The following GAK variants were observed in gnomAD, a reference collection of about 807,000 sequenced individuals.
GAK encodes cyclin G associated kinase.
In GAK, 79 loss-of-function variants were observed where a neutral mutation model predicts 143.9. The observed-to-expected ratio is 0.55, with a 90% confidence interval of 0.46 to 0.66. The LOEUF (loss-of-function observed/expected upper bound fraction) is 0.66, where lower values mean the gene tolerates loss of function less well. Among genes scored for constraint, GAK ranks in the 30% least tolerant of loss-of-function variants. The probability of loss-of-function intolerance (pLI) is 0.00; values close to 1 mark genes in which losing one functional copy is unlikely to be tolerated. For missense variants in GAK, 1,693 were observed against 1,779.7 expected (o/e 0.95, Z 0.88); for synonymous variants, 881 against 765.5 (o/e 1.15, Z -2.49).
chr4:932,153 G>A lies in GAK; in HGVS notation c.35C>T (p.Ala12Val), dbSNP rs750644550. The change falls in exon 1 of 28, where the codon GCG becomes GTG. Residue 12 changes from alanine to valine, a missense_variant. Ala to Val is a moderately conservative substitution (Grantham distance 64). This residue lies in a region of GAK where 871 missense variants were observed against 991.0 expected (regional missense o/e 0.88). Transcript: ENST00000314167. This position sits in a 1 kb window ranked among gnomAD's most constrained non-coding sequence, Gnocchi z 4.0. ...AGCACCGCCCAGGGAGCCTGGACCC[G>A]CCAAGAAGTCGAGCGCCGACTGCAG... ...SLLQSALDFL[A>V]GPGSLGGASG... is the part of the protein sequence containing the mutation. 1.3e-6 allele frequency: 2 copies of A among 1,582,542 alleles called. No homozygotes were observed. Among genetic ancestry groups the A allele is most frequent in the South Asian group, 2.3e-5 (2 of 87,426 alleles).
At position 893,509 on chromosome 4, in the gene GAK, C is replaced by T. The variant is rs771631655; in HGVS notation, c.878-20G>A. ...TGGCGCCTGCAGCAGAAGCACAGCG[C>T]GCTCGGCCCCACGGTTCCCCAGGCG... is the stretch of plus-strand genomic sequence containing the variant. On this transcript the variant is annotated intron_variant, in intron 8 of 27. Coordinates refer to ENST00000314167, the MANE Select transcript of GAK (RefSeq NM_005255.4). The T allele has an allele frequency of 3.5e-5, 53 of 1,520,062 alleles. No homozygotes were observed. Among genetic ancestry groups the T allele is most frequent in the Middle Eastern group, 3.4e-4 (2 of 5,830 alleles). The allele number at this position is 1,520,062 out of a possible 1,614,324, so 94.2% of individuals were successfully genotyped here.
intron 25 of GAK, 75 bp from the exon 26 acceptor site, chr4:851,159 G>C: frequency 2.3e-6 from 3 of 1,319,166 alleles, no homozygotes; most frequent in Non-Finnish European, 3.2e-6. Context: ...GTGCAATGGC[G>C]TGATCTCAGC....
chr4:866,561 G>A (rs2306247), intron 21 of GAK, 27 bp from the exon 22 acceptor site: 66,988 of 1,606,264 alleles, frequency 0.042, 1,707 homozygotes, highest in East Asian at 0.12. Context: ...GCATGGGGAG[G>A]ACTCAGCCCG....
chr4:882,149 T>C lies in GAK; in HGVS notation c.1528-109A>G, dbSNP rs370149151. On this transcript the variant is annotated intron_variant, in intron 14 of 27. Transcript: ENST00000314167. ...CTGTGGCTGCAGGGACGCAGGGCTG[T>C]TCCTCTCTGAAGCTGGGATATGTTT... 54 of 1,211,524 alleles carry C rather than the reference T, an allele frequency of 4.5e-5. No individual in the cohort carries two copies. In the South Asian group the frequency reaches 6.6e-4, roughly 15 times the overall value. 75.0% of individuals were successfully genotyped at this position (1,211,524 alleles called of 1,614,324 possible).
At position 893,904 on chromosome 4, in the gene GAK, T is replaced by C; in HGVS notation, c.847A>G (p.Thr283Ala). The change falls in exon 8 of 28, where the codon ACG becomes GCG. Residue 283 changes from threonine to alanine, a missense_variant. Coordinates refer to ENST00000314167, the MANE Select transcript of GAK (RefSeq NM_005255.4). ...AGGCTGTGGAAGACCGTGTACTGCG[T>C]GTCGTGCGGGGGGATCGAGTACTTC... ...NGKYSIPPHD[T>A]QYTVFHSLIR... 6.2e-7 allele frequency: 1 copy of C among 1,610,018 alleles called. No individual in the cohort carries two copies. The highest frequency in any genetic ancestry group is 1.7e-5 in the Admixed American group (1 of 59,752).
At chr4:923,019 A>G (rs1298201200) in intron 1 of GAK, among the ~76,000 whole-genome samples, 1 of 152,052 alleles carries the variant, frequency 6.6e-6, no homozygotes, top group Non-Finnish European at 1.5e-5. Flanking sequence ...TTCCCCTTAC[A>G]CTGCATCCTT....
chr4:922,637 A>G lies in GAK; in HGVS notation c.146-8969T>C, dbSNP rs963745982. 1.4e-4 allele frequency among the ~76,000 whole-genome samples: 21 copies of G among 152,034 alleles called. 4 individuals are homozygous for G. The highest frequency in any genetic ancestry group is 1.9e-4 in the East Asian group (1 of 5,180). ...TCCAGAACTGCGAGAGTGAATTTCT[A>G]CTGCTCCCCACTCAGTCTGGAGTAT... On this transcript the variant is annotated intron_variant, in intron 1 of 27. Coordinates refer to ENST00000314167, the MANE Select transcript of GAK (RefSeq NM_005255.4).
At chr4:881,091 G>A (rs1020788708) in intron 15 of GAK, among the ~76,000 whole-genome samples, 4 of 152,208 alleles carry the variant, frequency 2.6e-5, no homozygotes, top group Non-Finnish European at 5.9e-5. Context: ...ATCCACAGCA[G>A]CAGGAATGGC....
chr4:868,153 T>C (rs1711502343), intron 20 of GAK, among the ~76,000 whole-genome samples: 2 of 151,906 alleles, frequency 1.3e-5, no homozygotes, highest in African/African-American at 4.8e-5. Context: ...GGGAGCCCAC[T>C]GGGGGTGTGG....
chr4:921,904 G>C (rs1660285529), intron 1 of GAK, among the ~76,000 whole-genome samples: 1 of 152,186 alleles, frequency 6.6e-6, no homozygotes, highest in South Asian at 2.1e-4. Flanking sequence ...AAGATATGCA[G>C]ATGGCAAAGA....
chr4:852,189 C>G, intron 24 of GAK: 1 of 610,422 alleles, frequency 1.6e-6, no homozygotes, highest in South Asian at 1.9e-5. Context: ...CGGGAACACT[C>G]TGGATGGAGG....
chr4:909,843 T>C (rs960875887), intron 4 of GAK, among the ~76,000 whole-genome samples: 2 of 152,050 alleles, frequency 1.3e-5, no homozygotes, highest in African/African-American at 4.8e-5. Flanking sequence ...AACACAACAC[T>C]GAGAAACACA....
intron 9 of GAK, among the ~76,000 whole-genome samples, chr4:892,867 G>A (rs529877487): frequency 3.3e-5 from 5 of 152,314 alleles, no homozygotes; most frequent in East Asian, 1.9e-4. Flanking sequence ...AGAGGAGCGC[G>A]TGCAGAGTGC....
intron 18 of GAK, among the ~76,000 whole-genome samples, chr4:874,371 G>A (rs1053373877): frequency 6.6e-6 from 1 of 152,192 alleles, no homozygotes; most frequent in Non-Finnish European, 1.5e-5. Flanking sequence ...TTGCAGGCTT[G>A]CCTTGGATAC....
rs374879777 is a variant in GAK, at chr4:849,640, G to A, written c.*33C>T. On this transcript the variant is annotated 3_prime_UTR_variant, in exon 28 of 28. Transcript: ENST00000314167. ...GGTCCCACGACGGCTCCCAACCTGT[G>A]GAGCTGTGTGCGCAGCCACCACCAC... 713 of 1,548,290 alleles carry A rather than the reference G, an allele frequency of 4.6e-4. No individual in the cohort carries two copies. Among genetic ancestry groups the A allele is most frequent in the Middle Eastern group, 1.3e-3 (8 of 5,940 alleles).
At chr4:861,188 T>C (rs1429663729) in intron 23 of GAK, among the ~76,000 whole-genome samples, 1 of 152,154 alleles carries the variant, frequency 6.6e-6, no homozygotes, top group African/African-American at 2.4e-5. Context: ...ATCAGTCCAA[T>C]TCAGAACCTA....
intron 1 of GAK, 91 bp downstream of exon 1, chr4:931,952 C>A (rs567147894): frequency 1.0e-6 from 1 of 962,636 alleles, no homozygotes; most frequent in Non-Finnish European, 1.6e-6. Context: ...CAGCCCTAAC[C>A]CACGCCCTTC....
At position 859,682 on chromosome 4, in the gene GAK, G is replaced by C. The variant is rs753280912; in HGVS notation, c.3207C>G (p.Gly1069=). The C allele has an allele frequency of 6.2e-7, 1 of 1,600,626 alleles. No individual in the cohort carries two copies. Among genetic ancestry groups the C allele is most frequent in the Non-Finnish European group, 8.6e-7 (1 of 1,168,878 alleles). The part of the protein sequence containing the change: ...FSPGGQPAPC[G]SQASWTKSQN... ...GAGACTTGGTCCAGCTGGCCTGAGAGCCACAAGGGGCCGGCTGACCTCCAG... is the reference window on the plus strand; with the variant it reads ...GAGACTTGGTCCAGCTGGCCTGAGACCCACAAGGGGCCGGCTGACCTCCAG... Residue 1069 remains glycine (G), a synonymous_variant, in exon 24 of 28, where the codon GGC becomes GGG. Coordinates refer to ENST00000314167, the MANE Select transcript of GAK (RefSeq NM_005255.4).
At chr4:852,390 A>T in intron 24 of GAK, 1 of 225,972 alleles carries the variant, frequency 4.4e-6, no homozygotes, top group Admixed American at 5.1e-5. Context: ...GGCCACCACC[A>T]TCTGTCACGT....
Sources: allele counts gnomAD v4.1 joint callset (sites outside exome capture counted in the v4.1 genomes callset), GRCh38; gene constraint gnomAD v4.1.1; regional missense constraint gnomAD v4.1.1; non-coding constraint Gnocchi (gnomAD v3.1); transcripts MANE v1.5; gene names NCBI Gene and HGNC (gene_info 2026-07-23, HGNC 2026-07-21).